Variants in RBM19 observed in about 807,000 individuals in gnomAD.
RBM19 encodes the protein probable RNA-binding protein 19.
RBM19 carries 94 observed loss-of-function variants against 116.8 expected under a neutral mutation model. The observed-to-expected ratio is 0.80, with a 90% CI of 0.68 to 0.95. The LOEUF (loss-of-function observed/expected upper bound fraction) is 0.95. Among genes scored for constraint, RBM19 ranks in the 40% least tolerant of loss-of-function variants. The pLI is 0.00. For synonymous variants in RBM19, 475 were observed against 494.1 expected (o/e 0.96, Z 0.51); for missense variants, 1,161 against 1,220.7 (o/e 0.95, Z 0.73).
chr12:113,920,533 C>T (rs980846099), intron 19 of RBM19, 78 bp downstream of exon 19: 4 of 1,302,530 alleles, frequency 3.1e-6, no homozygotes, highest in Non-Finnish European at 4.5e-6. Context: ...TATTCTCACT[C>T]AATTTCAGAG....
intron 21 of RBM19, among the ~76,000 whole-genome samples, chr12:113,875,881 G>C (rs148030115): frequency 6.6e-6 from 1 of 152,152 alleles, no homozygotes; most frequent in African/African-American, 2.4e-5. Context: ...GAGAGGGGCC[G>C]TTTGTGTGAA....
At chr12:113,928,661 G>GTGTGTGTGTGTC (rs1555242499) in intron 16 of RBM19, among the ~76,000 whole-genome samples, 4,282 of 149,286 alleles carry the variant, frequency 0.029, 108 homozygotes, top group East Asian at 0.063. Flanking sequence ...GTGTGTGTGT[G>GTGTGTGTGTGTC]TCTGCAGCTC....
chr12:113,918,068 G>A (rs1274995881), intron 20 of RBM19, among the ~76,000 whole-genome samples: 3 of 150,456 alleles, frequency 2.0e-5, no homozygotes, highest in African/African-American at 7.4e-5. Context: ...CTCTTCCTTG[G>A]TTTATTTATC....
intron 23 of RBM19, among the ~76,000 whole-genome samples, chr12:113,833,386 C>T (rs1875605667): frequency 6.6e-6 from 1 of 152,236 alleles, no homozygotes; most frequent in Admixed American, 6.5e-5. Context: ...TGCCCCTCTA[C>T]AATGCAGGGG....
intron 15 of RBM19, among the ~76,000 whole-genome samples, chr12:113,937,867 G>T (rs1166181604): frequency 2.0e-5 from 3 of 152,054 alleles, no homozygotes; most frequent in Non-Finnish European, 4.4e-5. Context: ...GACAGGGGTG[G>T]GAGTGAGACT....
chr12:113,914,135 TAA>T (rs1253656360), intron 21 of RBM19, among the ~76,000 whole-genome samples: 1 of 152,240 alleles, frequency 6.6e-6, no homozygotes, highest in Non-Finnish European at 1.5e-5. Context: ...GTTTTGTTTT[TAA>T]AAAGTGAATT....
chr12:113,892,993 C>A (rs558338443), intron 21 of RBM19, among the ~76,000 whole-genome samples: 1 of 150,398 alleles, frequency 6.6e-6, no homozygotes, highest in South Asian at 2.1e-4. Flanking sequence ...TATGTCTATG[C>A]GGGTCTACTC....
intron 22 of RBM19, among the ~76,000 whole-genome samples, chr12:113,846,545 G>A (rs761331139): frequency 1.3e-5 from 2 of 152,166 alleles, no homozygotes; most frequent in Non-Finnish European, 2.9e-5. Flanking sequence ...GGCAAATGCC[G>A]TGGGGAGATG....
chr12:113,925,788 T>G (rs1243773301), intron 17 of RBM19, among the ~76,000 whole-genome samples: 1 of 152,210 alleles, frequency 6.6e-6, no homozygotes, highest in Non-Finnish European at 1.5e-5. Context: ...GGGCTGCTGT[T>G]TGAGTGCATC....
chr12:113,858,689 G>A (rs1454832527), intron 22 of RBM19, 102 bp downstream of exon 22: 3 of 1,064,770 alleles, frequency 2.8e-6, no homozygotes, highest in Non-Finnish European at 4.3e-6. Context: ...ACACCTGCAT[G>A]GGGAGGTGAC....
At chr12:113,949,704 A>G (rs1318640142) in intron 9 of RBM19, among the ~76,000 whole-genome samples, 1 of 152,008 alleles carries the variant, frequency 6.6e-6, no homozygotes, top group Non-Finnish European at 1.5e-5. Context: ...GTAGAGCCAG[A>G]GCCTACACAA....
At chr12:113,941,992 G>A (rs1416839128) in intron 14 of RBM19, among the ~76,000 whole-genome samples, 1 of 152,128 alleles carries the variant, frequency 6.6e-6, no homozygotes, top group Non-Finnish European at 1.5e-5. Context: ...TCCCTGCTAG[G>A]TTCAAGAAGG....
chr12:113,966,065 G>A (rs995921912), intron 1 of RBM19, 127 bp downstream of exon 1: 1 of 1,072,202 alleles, frequency 9.3e-7, no homozygotes, highest in East Asian at 2.4e-5. Flanking sequence ...CCCCCTTTGA[G>A]TTCAGAATTG....
At chr12:113,876,387 G>A (rs1879670531) in intron 21 of RBM19, among the ~76,000 whole-genome samples, 1 of 152,224 alleles carries the variant, frequency 6.6e-6, no homozygotes, top group Admixed American at 6.5e-5. Flanking sequence ...TTGCCCATCT[G>A]TGAAATGGGG....
chr12:113,920,834 T>C (rs556096449), intron 18 of RBM19, 144 bp from the exon 19 acceptor site: 2 of 737,420 alleles, frequency 2.7e-6, no homozygotes, highest in African/African-American at 1.8e-5. Context: ...TCTCAGCACC[T>C]GGCTTGCTGT....
At chr12:113,905,919 G>A (rs1007084084) in intron 21 of RBM19, among the ~76,000 whole-genome samples, 8 of 152,186 alleles carry the variant, frequency 5.3e-5, no homozygotes, top group African/African-American at 1.9e-4. Flanking sequence ...TAATACCACT[G>A]TAGCCATTAT....
intron 17 of RBM19, among the ~76,000 whole-genome samples, chr12:113,925,308 C>G (rs1868968344): frequency 6.6e-6 from 1 of 152,162 alleles, no homozygotes; most frequent in African/African-American, 2.4e-5. Context: ...AATGGGGAAG[C>G]CCAGGGGCCG....
rs376837771 is a variant in RBM19, at chr12:113,955,321, G to C, written c.841-110C>G. The C allele has an allele frequency of 5.6e-4, 583 of 1,040,134 alleles. 20 individuals carry two copies. The South Asian group carries it at 7.3e-3, about 13-fold the overall frequency. The allele number at this position is 1,040,134 out of a possible 1,614,324, so 64.4% of individuals were successfully genotyped here. On this transcript the variant is annotated intron_variant, in intron 6 of 23. Transcript: ENST00000261741. ...CCAGAGAAGGTGCCTGCCGCCAGGGGGAGCTGGGGAATGCTGGGAAGAATC... is the reference window on the plus strand; with the variant it reads ...CCAGAGAAGGTGCCTGCCGCCAGGGCGAGCTGGGGAATGCTGGGAAGAATC...
chr12:113,867,571 A>C (rs1032192159), intron 21 of RBM19, among the ~76,000 whole-genome samples: 3 of 152,234 alleles, frequency 2.0e-5, no homozygotes, highest in Non-Finnish European at 4.4e-5. Flanking sequence ...AAAACTGATA[A>C]ATAATATGCA....
Sources: allele counts gnomAD v4.1 joint callset (sites outside exome capture counted in the v4.1 genomes callset), GRCh38; gene constraint gnomAD v4.1.1; transcripts MANE v1.5; gene names NCBI Gene and HGNC (gene_info 2026-07-23, HGNC 2026-07-21).